SHISA9: variants seen among roughly 807,000 people sequenced by gnomAD.
The protein encoded by SHISA9 is protein shisa-9.
In SHISA9, 13 loss-of-function variants were observed where a neutral mutation model predicts 38.0. The observed-to-expected ratio is 0.34, with a 90% CI of 0.22 to 0.54. The LOEUF is 0.54. Ranked by LOEUF, SHISA9 falls within the 20% of genes least tolerant of loss-of-function variation. The pLI, the probability that SHISA9 is intolerant of heterozygous loss-of-function variation, is 0.91. For synonymous variants in SHISA9, 275 were observed against 242.0 expected (o/e 1.14, Z -1.27); for missense variants, 538 against 575.8 (o/e 0.93, Z 0.67).
At chr16:13,181,267 T>TTATATATATATA (rs1156705123) in intron 2 of SHISA9, among the ~76,000 whole-genome samples, 4 of 80,104 alleles carry the variant, frequency 5.0e-5, no homozygotes, top group Non-Finnish European at 7.2e-5. Flanking sequence ...AAATAAAATT[T>TTATATATATATA]TATATATATA....
chr16:13,346,579 C>T, the SHISA9 span, among the ~76,000 whole-genome samples: 51 of 152,240 alleles, frequency 3.3e-4, no homozygotes, highest in African/African-American at 1.2e-3. Context: ...AGTAATCTCC[C>T]ACTCATGGCA....
the SHISA9 span, among the ~76,000 whole-genome samples, chr16:13,412,242 C>T: frequency 8.7e-4 from 133 of 152,172 alleles, no homozygotes; most frequent in African/African-American, 3.1e-3. Context: ...CCAGACTGTC[C>T]ACAGATGCTA....
the SHISA9 span, among the ~76,000 whole-genome samples, chr16:13,454,889 C>T: frequency 6.6e-6 from 1 of 152,196 alleles, no homozygotes; most frequent in African/African-American, 2.4e-5. Context: ...GAGGGAAGGG[C>T]AGTCTCATGG....
the SHISA9 span, among the ~76,000 whole-genome samples, chr16:13,254,585 A>T: frequency 1.3e-5 from 2 of 152,242 alleles, no homozygotes; most frequent in Non-Finnish European, 2.9e-5. Flanking sequence ...GGACTTTTCC[A>T]TCCATCGTAC....
At chr16:13,508,951 C>A in the SHISA9 span, among the ~76,000 whole-genome samples, 1 of 152,144 alleles carries the variant, frequency 6.6e-6, no homozygotes, top group Non-Finnish European at 1.5e-5. Context: ...CCGTCTCCTG[C>A]AGAACTGATG....
At position 12,901,888 on chromosome 16, in the gene SHISA9, G is replaced by A. The variant is rs2071020062; in HGVS notation, c.-177G>A. 3 of 260,742 alleles carry A rather than the reference G, an allele frequency of 1.2e-5. No homozygotes were observed. Among genetic ancestry groups the A allele is most frequent in the Non-Finnish European group, 2.0e-5 (3 of 151,388 alleles). The allele number at this position is 260,742 out of a possible 1,614,324, so 16.2% of individuals were successfully genotyped here. ...CGAACGCGGGCTGAGGCGAACGCGG[G>A]CTGAGCCGAGCGCAGTGGCCGCCGA... On this transcript the variant is annotated 5_prime_UTR_variant, in exon 1 of 5. Transcript: ENST00000558583.
chr16:13,486,406 C>G, the SHISA9 span, among the ~76,000 whole-genome samples: 1 of 152,140 alleles, frequency 6.6e-6, no homozygotes, highest in African/African-American at 2.4e-5. Context: ...ATCCTAGTAC[C>G]CTACTTCTCT....
At chr16:13,351,923 A>G in the SHISA9 span, among the ~76,000 whole-genome samples, 1 of 152,302 alleles carries the variant, frequency 6.6e-6, no homozygotes, top group African/African-American at 2.4e-5. Context: ...GTTTTTCTAA[A>G]TTCACTGCTG....
At chr16:13,112,268 C>T (rs1404785669) in intron 2 of SHISA9, among the ~76,000 whole-genome samples, 1 of 150,686 alleles carries the variant, frequency 6.6e-6, no homozygotes, top group East Asian at 1.9e-4. Flanking sequence ...AAATTCAATG[C>T]ATATTTGTTG....
At chr16:13,153,174 C>G (rs1172715589) in intron 2 of SHISA9, among the ~76,000 whole-genome samples, 1 of 152,032 alleles carries the variant, frequency 6.6e-6, no homozygotes, top group Admixed American at 6.6e-5. Context: ...CTTCTGACCT[C>G]CAGACATGTA....
At chr16:12,908,784 G>C in intron 1 of SHISA9, 2 of 1,378,722 alleles carry the variant, frequency 1.5e-6, no homozygotes, top group South Asian at 3.1e-5. Context: ...CTTGGTGGAG[G>C]CGTTGGTGAG....
At chr16:13,360,829 C>T in the SHISA9 span, among the ~76,000 whole-genome samples, 117 of 152,220 alleles carry the variant, frequency 7.7e-4, no homozygotes, top group Middle Eastern at 3.4e-3. Context: ...TCCCGGCCTT[C>T]TCAGGGAATA....
intron 2 of SHISA9, among the ~76,000 whole-genome samples, chr16:13,173,266 A>G (rs1252774436): frequency 6.6e-6 from 1 of 151,960 alleles, no homozygotes; most frequent in South Asian, 2.1e-4. Flanking sequence ...ATATAAACAC[A>G]CAGAAATGCT....
At chr16:13,056,221 C>T (rs560830224) in intron 2 of SHISA9, among the ~76,000 whole-genome samples, 2 of 152,304 alleles carry the variant, frequency 1.3e-5, no homozygotes, top group South Asian at 4.1e-4. Context: ...ACAGAGGAAG[C>T]ATGCATGCAT....
intron 2 of SHISA9, among the ~76,000 whole-genome samples, chr16:13,144,334 G>C (rs1472644024): frequency 6.6e-6 from 1 of 151,938 alleles, no homozygotes; most frequent in Non-Finnish European, 1.5e-5. Context: ...TGTATTTTTA[G>C]TAGAGACAGG....
At chr16:13,449,291 C>T in the SHISA9 span, among the ~76,000 whole-genome samples, 1 of 152,156 alleles carries the variant, frequency 6.6e-6, no homozygotes. Context: ...AATGTTCAGG[C>T]CATAAGATTA....
chr16:13,136,353 C>T (rs973995870), intron 2 of SHISA9, among the ~76,000 whole-genome samples: 5 of 148,016 alleles, frequency 3.4e-5, no homozygotes, highest in Non-Finnish European at 5.9e-5. Flanking sequence ...TGCACTTTCT[C>T]TGCTTTCTCT....
chr16:13,180,299 A>G (rs1212862776), intron 2 of SHISA9, among the ~76,000 whole-genome samples: 1 of 152,244 alleles, frequency 6.6e-6, no homozygotes, highest in Non-Finnish European at 1.5e-5. Flanking sequence ...TGACTGCTAC[A>G]TAACTCTGTC....
At chr16:13,385,362 A>T in the SHISA9 span, among the ~76,000 whole-genome samples, 72 of 152,368 alleles carry the variant, frequency 4.7e-4, no homozygotes, top group African/African-American at 1.7e-3. Context: ...TAGCAGCTTT[A>T]TTCATAGTAG....
Sources: gnomAD v4.1 joint callset for allele counts (sites outside exome capture counted in the v4.1 genomes callset) on GRCh38, gnomAD v4.1.1 for gene constraint, MANE v1.5 for transcripts, NCBI Gene and HGNC (gene_info 2026-07-23, HGNC 2026-07-21) for gene names.